Variants in ENTPD1 observed in about 807,000 individuals in gnomAD.
The protein encoded by ENTPD1 is ectonucleoside triphosphate diphosphohydrolase 1, also known as ATP diphosphohydrolase.
A neutral mutation model predicts 57.0 loss-of-function variants in ENTPD1; 33 were observed. The ratio of observed to expected loss-of-function variants is 0.58; its 90% CI spans 0.44 to 0.77. The LOEUF (loss-of-function observed/expected upper bound fraction) is 0.77. Ranked by LOEUF, ENTPD1 falls within the 30% of genes least tolerant of loss-of-function variation. The probability of loss-of-function intolerance (pLI) is 0.00; values close to 1 mark genes in which losing one functional copy is unlikely to be tolerated. For synonymous variants in ENTPD1, 202 were observed against 218.8 expected, an observed-to-expected ratio of 0.92 and a Z score of 0.68; for missense variants, 501 against 603.4, an observed-to-expected ratio of 0.83 and a Z score of 1.78.
In ENTPD1 at chr10:95,875,852, T is replaced by C. The variant is rs1387031773; in HGVS notation, c.*9469T>C. The C allele has an allele frequency of 2.2e-5, 7 of 325,210 alleles. No individual in the cohort carries two copies. Among genetic ancestry groups the C allele is most frequent in the South Asian group, 2.5e-4 (2 of 8,066 alleles). The allele number at this position is 325,210 out of a possible 1,614,324, so 20.1% of individuals were successfully genotyped here. A position where few individuals can be genotyped will look rare whatever the true frequency, so the allele number is the denominator to read the frequency against. The stretch of plus-strand genomic sequence containing the variant: ...TGAGACTTATTCACTATCACAAGAA[T>C]AGCATGGGAAAGACCAGCCCCCTTG... On this transcript the variant is annotated 3_prime_UTR_variant, in exon 10 of 10. Coordinates refer to ENST00000371205, the MANE Select transcript of ENTPD1 (RefSeq NM_001776.6).
Position 95,776,282 on chromosome 10 carries a change from G to T in ENTPD1, c.16+20027G>T, listed in dbSNP as rs190233078. 2.7e-4 allele frequency among the ~76,000 whole-genome samples: 41 copies of T among 152,332 alleles called. No individual in the cohort carries two copies. In the East Asian group the frequency reaches 6.2e-3, roughly 23 times the overall value. Reference sequence around the variant, plus strand: ...GTTTTTGCAGTGGTTGCTACCGGTTGTTCCTTTCCATGTTTAGTGCTTCCT... The same window carrying T: ...GTTTTTGCAGTGGTTGCTACCGGTTTTTCCTTTCCATGTTTAGTGCTTCCT... On this transcript the variant is annotated intron_variant, in intron 1 of 9. Coordinates refer to ENST00000371205, the MANE Select transcript of ENTPD1 (RefSeq NM_001776.6).
At chr10:95,823,454 G>T in intron 2 of ENTPD1, 90 bp downstream of exon 2, 1 of 1,592,918 alleles carries the variant, frequency 6.3e-7, no homozygotes, top group East Asian at 2.3e-5. Flanking sequence ...TAGAGCATAG[G>T]GGACGAGTTG....
chr10:95,747,667 A>G (rs550841909), intron 1 of ENTPD1, among the ~76,000 whole-genome samples: 17 of 152,296 alleles, frequency 1.1e-4, no homozygotes, highest in African/African-American at 2.9e-4. Context: ...CATATTGCAT[A>G]TTGGACATTG....
chr10:95,859,940 C>T (rs2098462447), intron 7 of ENTPD1, among the ~76,000 whole-genome samples: 1 of 151,812 alleles, frequency 6.6e-6, no homozygotes, highest in African/African-American at 2.4e-5. Flanking sequence ...TCAGTTGTGT[C>T]TAAAATAGTA....
rs34841311 is a variant in ENTPD1, at chr10:95,731,781, C to CTTTTTTTTTTTTTTTTTTTTTTTT, written c.37+19809_37+19810insTTTTTTTTTTTTTTTTTTTTTTTT. On this transcript the variant is annotated intron_variant, in intron 1 of 9. Transcript: ENST00000453258. ...GGTAAGAATTAGAGGAGTGGACATC[C>CTTTTTTTTTTTTTTTTTTTTTTTT]TTTTTTTTTTTTTTTTTTTTTGACA... is the stretch of plus-strand genomic sequence containing the variant. Among the ~76,000 whole-genome samples, 94 of 79,172 alleles carry CTTTTTTTTTTTTTTTTTTTTTTTT rather than the reference C, an allele frequency of 1.2e-3. 19 individuals are homozygous for CTTTTTTTTTTTTTTTTTTTTTTTT. The highest frequency in any genetic ancestry group is 2.0e-3 in the African/African-American group (38 of 18,646). 51.9% of individuals were successfully genotyped at this position (79,172 alleles called of 152,430 possible).
chr10:95,844,375 G>C, intron 4 of ENTPD1, 101 bp from the exon 5 acceptor site: 2 of 1,517,556 alleles, frequency 1.3e-6, no homozygotes, highest in Non-Finnish European at 1.8e-6. Flanking sequence ...GGGCATTATG[G>C]TTCACTTCTT....
intron 2 of ENTPD1, among the ~76,000 whole-genome samples, chr10:95,838,952 C>G (rs1429033101): frequency 6.6e-6 from 1 of 152,056 alleles, no homozygotes; most frequent in Non-Finnish European, 1.5e-5. Flanking sequence ...TCTCCCCCTA[C>G]TCGTAAAGCT....
chr10:95,777,539 G>C (rs1490358104), intron 1 of ENTPD1, among the ~76,000 whole-genome samples: 1 of 152,132 alleles, frequency 6.6e-6, no homozygotes, highest in African/African-American at 2.4e-5. Flanking sequence ...GTCCTAGAGG[G>C]GTGCCCGCCT....
chr10:95,839,366 G>A (rs1269165559), intron 2 of ENTPD1: 1 of 368,390 alleles, frequency 2.7e-6, no homozygotes, highest in Admixed American at 3.9e-5. Flanking sequence ...CTTCCATAGT[G>A]TCTCAGCTAC....
At chr10:95,704,650 A>G in the ENTPD1 span, among the ~76,000 whole-genome samples, 2 of 152,202 alleles carry the variant, frequency 1.3e-5, no homozygotes, top group Non-Finnish European at 2.9e-5. Flanking sequence ...AATTTTACAT[A>G]GATTTTATAC....
intron 1 of ENTPD1, among the ~76,000 whole-genome samples, chr10:95,746,629 T>C (rs2098006354): frequency 6.6e-6 from 1 of 152,178 alleles, no homozygotes; most frequent in Admixed American, 6.5e-5. Context: ...CCTACTACTT[T>C]CCACAAGAAG....
rs558639734 is a variant in ENTPD1 at position 95,825,165 on chromosome 10, A to G, written c.144+1801A>G. Among the ~76,000 whole-genome samples, 3 of 152,370 alleles carry G rather than the reference A, an allele frequency of 2.0e-5. No individual in the cohort carries two copies. The East Asian group carries it at 5.8e-4, about 29-fold the overall frequency. The stretch of plus-strand genomic sequence containing the variant: ...ATTCTGTCCCTCTGTTGCACTAGCC[A>G]CATTTCAAGTGCTCAATAGCCATAC... On this transcript the variant is annotated intron_variant, in intron 2 of 9. Transcript: ENST00000371205.
chr10:95,807,436 A>T (rs2098277937), intron 1 of ENTPD1, among the ~76,000 whole-genome samples: 1 of 152,228 alleles, frequency 6.6e-6, no homozygotes, highest in Non-Finnish European at 1.5e-5. Flanking sequence ...TGGCTAGGAA[A>T]GGGAAATCCC....
chr10:95,749,664 A>G (rs2098009740), intron 1 of ENTPD1, among the ~76,000 whole-genome samples: 1 of 152,184 alleles, frequency 6.6e-6, no homozygotes, highest in South Asian at 2.1e-4. Flanking sequence ...GGAGGACAGC[A>G]TTCCAGGCAG....
At chr10:95,711,359 G>T (rs1350533272), upstream of ENTPD1, among the ~76,000 whole-genome samples, 5 of 152,138 alleles carry the variant, frequency 3.3e-5, no homozygotes, top group African/African-American at 7.2e-5. Context: ...TAGATAGACA[G>T]CATTGCTGAG....
chr10:95,805,060 C>G (rs1006360520), intron 1 of ENTPD1, among the ~76,000 whole-genome samples: 5 of 152,122 alleles, frequency 3.3e-5, no homozygotes, highest in Non-Finnish European at 7.3e-5. Context: ...CCTTCTGTCT[C>G]GTTGATCTGT....
chr10:95,714,137 C>T (rs1264703314), intron 1 of ENTPD1, among the ~76,000 whole-genome samples: 1 of 151,998 alleles, frequency 6.6e-6, no homozygotes, highest in Non-Finnish European at 1.5e-5. Flanking sequence ...ATAGTGAAAC[C>T]CCATCTCTAC....
chr10:95,856,386 C>T (rs1476391283), intron 7 of ENTPD1, among the ~76,000 whole-genome samples: 1 of 152,122 alleles, frequency 6.6e-6, no homozygotes, highest in East Asian at 1.9e-4. Flanking sequence ...CACTTTTGCA[C>T]TGCTGGTGGG....
At chr10:95,717,506 A>T (rs1420519492) in intron 1 of ENTPD1, among the ~76,000 whole-genome samples, 1 of 151,170 alleles carries the variant, frequency 6.6e-6, no homozygotes, top group Non-Finnish European at 1.5e-5. Context: ...ATATGATTTG[A>T]CTCTTTCTTT....
Sources: gnomAD v4.1 joint callset for allele counts (sites outside exome capture counted in the v4.1 genomes callset) on GRCh38, gnomAD v4.1.1 for gene constraint, MANE v1.5 for transcripts, NCBI Gene and HGNC (gene_info 2026-07-23, HGNC 2026-07-21) for gene names.